Variants in EMP1 observed in about 807,000 individuals in gnomAD.
EMP1 encodes the protein tumor-associated membrane protein.
In EMP1, 5 loss-of-function variants were observed where a neutral mutation model predicts 15.7. The ratio of observed to expected loss-of-function variants is 0.32; its 90% CI spans 0.17 to 0.67. EMP1 has a LOEUF of 0.67. Among genes scored for constraint, EMP1 ranks in the 30% least tolerant of loss-of-function variants. EMP1 has a pLI of 0.74. For missense variants in EMP1, 166 were observed against 194.2 expected (o/e 0.85, Z 0.86); for synonymous variants, 78 against 76.7 (o/e 1.02, Z -0.09).
chr12:13,203,652 C>A (rs1864085843), intron 1 of EMP1, among the ~76,000 whole-genome samples: 1 of 152,232 alleles, frequency 6.6e-6, no homozygotes, highest in African/African-American at 2.4e-5. Context: ...CTGTGTGGCC[C>A]CCACTCTGTG....
chr12:13,211,581 T>C lies in EMP1; in HGVS notation c.71T>C (p.Ile24Thr). 6.2e-7 allele frequency: 1 copy of C among 1,614,066 alleles called. No homozygotes were observed. The highest frequency in any genetic ancestry group is 8.5e-7 in the Non-Finnish European group (1 of 1,179,964). The change falls in exon 2 of 5, where the codon ATT (isoleucine) becomes ACT (threonine). Residue 24 changes from isoleucine (I) to threonine (T), a missense_variant. Physicochemically the swap from Ile to Thr is moderately conservative, Grantham distance 89 (BLOSUM62 -1). Coordinates refer to ENST00000256951, the MANE Select transcript of EMP1 (RefSeq NM_001423.3). The surrounding 1 kb of genome is among the most constrained non-coding windows in gnomAD (Gnocchi z 4.7). The part of the protein sequence containing the change: ...ATVIMLFVST[I>T]ANVWLVSNTV... The stretch of plus-strand genomic sequence containing the variant: ...GTTATTATGCTATTTGTTAGCACCA[T>C]TGCCAATGTGAGTAATGTTCTTTTG...
Position 13,217,240 on chromosome 12 carries a change from C to G in EMP1, c.*2549C>G, listed in dbSNP as rs1286687518. 1 of 152,214 alleles carries G rather than the reference C, an allele frequency of 6.6e-6. No individual in the cohort carries two copies. The highest frequency in any genetic ancestry group is 1.5e-5 in the Non-Finnish European group (1 of 68,040). 9.4% of individuals were successfully genotyped at this position (152,214 alleles called of 1,614,324 possible). A position where few individuals can be genotyped will look rare whatever the true frequency, so the allele number is the denominator to read the frequency against. The stretch of plus-strand genomic sequence containing the variant: ...CTGTGAGTGAAGGGAGGCTTCACTA[C>G]TTTCTGTGAGCAGTAAGGACTGGTA... On this transcript the variant is annotated 3_prime_UTR_variant, in exon 5 of 5. Coordinates refer to ENST00000256951, the MANE Select transcript of EMP1 (RefSeq NM_001423.3).
Position 13,216,591 on chromosome 12 carries a change from C to T in EMP1, c.*1900C>T, listed in dbSNP as rs937439341. Reference sequence around the variant, plus strand: ...TATGACTGGAGTAAACCATGTATTCCCTTATCTTTTACTTTTTTTCTGTGA... The same window carrying T: ...TATGACTGGAGTAAACCATGTATTCTCTTATCTTTTACTTTTTTTCTGTGA... On this transcript the variant is annotated 3_prime_UTR_variant, in exon 5 of 5. Coordinates refer to ENST00000256951, the MANE Select transcript of EMP1 (RefSeq NM_001423.3). 3.2e-6 allele frequency: 2 copies of T among 620,152 alleles called. No homozygotes were observed. The highest frequency in any genetic ancestry group is 5.7e-6 in the Non-Finnish European group (2 of 349,132). 38.4% of individuals were successfully genotyped at this position (620,152 alleles called of 1,614,324 possible).
At chr12:13,198,454 C>T (rs1040214634) in intron 1 of EMP1, among the ~76,000 whole-genome samples, 1 of 152,164 alleles carries the variant, frequency 6.6e-6, no homozygotes, top group Non-Finnish European at 1.5e-5. Context: ...ATGTAATCAA[C>T]CCTGTGTTGA....
chr12:13,213,056 A>G (rs1410186666), intron 2 of EMP1, among the ~76,000 whole-genome samples: 1 of 152,176 alleles, frequency 6.6e-6, no homozygotes, highest in Admixed American at 6.5e-5. Context: ...CCAGTTGGAC[A>G]TTTCACTTTT....
At chr12:13,200,038 C>A (rs1421802126) in intron 1 of EMP1, among the ~76,000 whole-genome samples, 1 of 145,806 alleles carries the variant, frequency 6.9e-6, no homozygotes, top group African/African-American at 2.6e-5. Flanking sequence ...TGTACATAGT[C>A]AATCATACTC....
intron 4 of EMP1, chr12:13,214,285 T>C: frequency 1.6e-6 from 1 of 608,664 alleles, no homozygotes; most frequent in Non-Finnish European, 2.9e-6. Context: ...GGCATGAGGT[T>C]CTGTGTTTTA....
chr12:13,204,272 C>G (rs1042791588), intron 1 of EMP1, among the ~76,000 whole-genome samples: 1 of 152,066 alleles, frequency 6.6e-6, no homozygotes, highest in African/African-American at 2.4e-5. Flanking sequence ...CTTTCCCACC[C>G]CTGCATAAAC....
intron 1 of EMP1, among the ~76,000 whole-genome samples, chr12:13,200,036 G>A (rs1035950053): frequency 2.8e-5 from 4 of 145,430 alleles, no homozygotes; most frequent in African/African-American, 1.0e-4. Context: ...TATGTACATA[G>A]TCAATCATAC....
At chr12:13,214,282 G>A in intron 4 of EMP1, 1 of 604,820 alleles carries the variant, frequency 1.7e-6, no homozygotes, top group South Asian at 2.1e-5. Flanking sequence ...GTAGGCATGA[G>A]GTTCTGTGTT....
chr12:13,214,852 C>A lies in EMP1; in HGVS notation c.*161C>A. 1.6e-6 allele frequency: 1 copy of A among 628,620 alleles called. No individual in the cohort carries two copies. Among genetic ancestry groups the A allele is most frequent in the Non-Finnish European group, 2.7e-6 (1 of 377,162 alleles). 38.9% of individuals were successfully genotyped at this position (628,620 alleles called of 1,614,324 possible). On this transcript the variant is annotated 3_prime_UTR_variant, in exon 5 of 5. Coordinates refer to ENST00000256951, the MANE Select transcript of EMP1 (RefSeq NM_001423.3). ...CCCAAACCATTACTGAGGGGATTCT[C>A]TACTGCCAAGCCCCTGCCCTGGGGA...
intron 1 of EMP1, among the ~76,000 whole-genome samples, chr12:13,207,614 T>C (rs1206928396): frequency 2.0e-5 from 3 of 152,200 alleles, no homozygotes; most frequent in African/African-American, 7.2e-5. Flanking sequence ...TCCGAGGTGC[T>C]GATCTCCATT....
Position 13,203,974 on chromosome 12 carries a change from CACCAG to C in EMP1, c.-43+7107_-43+7111del, listed in dbSNP as rs1864088302. Reference sequence around the variant, plus strand: ...TGAGACTCTGTGCTAGTCTACACAGCACCAGACCAACACGACTTGCTGTATAATAA... The same window carrying C: ...TGAGACTCTGTGCTAGTCTACACAGCACCAACACGACTTGCTGTATAATAA... On this transcript the variant is annotated intron_variant, in intron 1 of 4. Coordinates refer to ENST00000256951, the MANE Select transcript of EMP1 (RefSeq NM_001423.3). 2.6e-5 allele frequency among the ~76,000 whole-genome samples: 4 copies of C among 152,318 alleles called. No homozygotes were observed. The South Asian group carries it at 8.3e-4, about 32-fold the overall frequency.
chr12:13,206,413 T>C (rs187045894), intron 1 of EMP1, among the ~76,000 whole-genome samples: 1 of 152,304 alleles, frequency 6.6e-6, no homozygotes, highest in African/African-American at 2.4e-5. Flanking sequence ...ATTTGAGCCC[T>C]GAGGGCCTCC....
At position 13,196,873 on chromosome 12, in the gene EMP1, GTAGGACAGC is replaced by G. The variant is rs962347306; in HGVS notation, c.-43+3_-43+11del. The G allele has an allele frequency of 6.6e-6, 1 of 152,308 alleles. No individual in the cohort carries two copies. Among genetic ancestry groups the G allele is most frequent in the African/African-American group, 2.4e-5 (1 of 41,428 alleles). The allele number at this position is 152,308 out of a possible 1,614,324, so 9.4% of individuals were successfully genotyped here. On this transcript the variant is annotated splice_donor_variant and splice_donor_5th_base_variant and intron_variant, in intron 1 of 4. Transcript: ENST00000256951. LOFTEE classifies it low-confidence loss of function (5UTR_SPLICE). ...CGCCTCTGTCGCTGGGACCCTTCAG[GTAGGACAGC>G]TCCCAACGCTGTGGGGACTCTCAGC...
chr12:13,211,240 A>G lies in EMP1; in HGVS notation c.-42-229A>G, dbSNP rs1447695155. ...AGAGAAATGAATATGTAAATACCCA[A>G]GAAGAAACCAAATTCTGTTTCCATG... On this transcript the variant is annotated intron_variant, in intron 1 of 4. Transcript: ENST00000256951. The surrounding 1 kb of genome is among the most constrained non-coding windows in gnomAD (Gnocchi z 4.7). Among the ~76,000 whole-genome samples, 2 of 152,256 alleles carry G rather than the reference A, an allele frequency of 1.3e-5. No homozygotes were observed. Among genetic ancestry groups the G allele is most frequent in the East Asian group, 1.9e-4 (1 of 5,200 alleles).
At chr12:13,201,864 T>C (rs1183877385) in intron 1 of EMP1, among the ~76,000 whole-genome samples, 1 of 152,090 alleles carries the variant, frequency 6.6e-6, no homozygotes, top group East Asian at 1.9e-4. Context: ...GAGCTGGCTC[T>C]GGGAAAGAAA....
Position 13,216,545 on chromosome 12 carries a change from C to T in EMP1, c.*1854C>T. The stretch of plus-strand genomic sequence containing the variant: ...CAGACATATCCAAAGGGAATACTCA[C>T]ATTTTGTTAAGAAGTTGAACTATGA... On this transcript the variant is annotated 3_prime_UTR_variant, in exon 5 of 5. Coordinates refer to ENST00000256951, the MANE Select transcript of EMP1 (RefSeq NM_001423.3). 1 of 677,770 alleles carries T rather than the reference C, an allele frequency of 1.5e-6. No homozygotes were observed. Among genetic ancestry groups the T allele is most frequent in the Non-Finnish European group, 2.7e-6 (1 of 372,362 alleles). The allele number at this position is 677,770 out of a possible 1,614,324, so 42.0% of individuals were successfully genotyped here.
chr12:13,202,904 T>C (rs1028111802), intron 1 of EMP1, among the ~76,000 whole-genome samples: 2 of 152,102 alleles, frequency 1.3e-5, no homozygotes, highest in African/African-American at 4.8e-5. Context: ...TCATGCCAGG[T>C]GGAAGAGCCC....
Sources: gnomAD v4.1 joint callset for allele counts (sites outside exome capture counted in the v4.1 genomes callset) on GRCh38, gnomAD v4.1.1 for gene constraint, Gnocchi (gnomAD v3.1) non-coding constraint, MANE v1.5 for transcripts, NCBI Gene and HGNC (gene_info 2026-07-23, HGNC 2026-07-21) for gene names.